LYPD8: variants seen among roughly 807,000 people sequenced by gnomAD.
LYPD8 encodes the protein LY6/PLAUR domain containing 8.
In LYPD8, 8 loss-of-function variants were observed where a neutral mutation model predicts 1.7. That is an observed-to-expected ratio of 4.58 (90% CI 2.69 to 8.27). The LOEUF (loss-of-function observed/expected upper bound fraction) is 8.27, where lower values mean the gene tolerates loss of function less well. Among genes scored for constraint, LYPD8 ranks in the 30% most tolerant of loss-of-function variants. The pLI is 0.00. For missense variants in LYPD8, 112 were observed against 102.3 expected (o/e 1.09, Z -0.41); for synonymous variants, 50 against 43.6 (o/e 1.15, Z -0.58).
intron 2 of LYPD8, among the ~76,000 whole-genome samples, chr1:248,754,032 CCACACAT>C (rs1175175547): frequency 1.4e-5 from 2 of 145,958 alleles, no homozygotes; most frequent in Non-Finnish European, 3.0e-5. Context: ...ACACCACACA[CCACACAT>C]CACATGTCAC....
intron 4 of LYPD8, among the ~76,000 whole-genome samples, chr1:248,750,318 G>A (rs1662779308): frequency 6.6e-6 from 1 of 152,192 alleles, no homozygotes; most frequent in South Asian, 2.1e-4. Context: ...ACCACGAGGG[G>A]CTCCTGTGGC....
chr1:248,754,069 C>T (rs1662886234), intron 2 of LYPD8, among the ~76,000 whole-genome samples: 2 of 147,956 alleles, frequency 1.4e-5, no homozygotes, highest in Admixed American at 1.3e-4. Flanking sequence ...ACAGCACACC[C>T]CACACCACAC....
rs1016264323 is a variant in LYPD8 at position 248,748,573 on chromosome 1, G to A, written c.173-120C>T. ...GAAAATGCAACCTCAGTATCATGCA[G>A]TTTTGAAGACACTGGAGAGGGTTTT... On this transcript the variant is annotated intron_variant, in intron 4 of 6. Coordinates refer to ENST00000590317, the MANE Select transcript of LYPD8 (RefSeq NM_001085474.2). 34 of 395,784 alleles carry A rather than the reference G, an allele frequency of 8.6e-5. No homozygotes were observed. In the South Asian group the frequency reaches 4.4e-3, roughly 51 times the overall value. 24.5% of individuals were successfully genotyped at this position (395,784 alleles called of 1,614,324 possible). A position where few individuals can be genotyped will look rare whatever the true frequency, so the allele number is the denominator to read the frequency against.
chr1:248,748,464 A>G lies in LYPD8; in HGVS notation c.173-11T>C. The G allele has an allele frequency of 2.5e-6, 1 of 401,762 alleles. No homozygotes were observed. Among genetic ancestry groups the G allele is most frequent in the Non-Finnish European group, 4.4e-6 (1 of 228,326 alleles). The allele number at this position is 401,762 out of a possible 1,614,324, so 24.9% of individuals were successfully genotyped here. On this transcript the variant is annotated splice_polypyrimidine_tract_variant and intron_variant, in intron 4 of 6. Coordinates refer to ENST00000590317, the MANE Select transcript of LYPD8 (RefSeq NM_001085474.2). The stretch of plus-strand genomic sequence containing the variant: ...ATCTGACTGGTGTCTCTACACAAAG[A>G]CAAACACAGACTGTCAGCCCCTGGT...
intron 2 of LYPD8, among the ~76,000 whole-genome samples, chr1:248,752,607 CCACACACATCACA>C (rs1662819073): frequency 4.4e-5 from 5 of 114,078 alleles, no homozygotes; most frequent in African/African-American, 1.6e-4. Context: ...CCCACACACC[CCACACACATCACA>C]CACACACACC....
intron 2 of LYPD8, among the ~76,000 whole-genome samples, chr1:248,752,779 A>ACACAC (rs1461982377): frequency 0.022 from 1,809 of 82,874 alleles, 141 homozygotes; most frequent in East Asian, 0.044. Flanking sequence ...CCCACACAAC[A>ACACAC]CACACCACAC....
intron 5 of LYPD8, among the ~76,000 whole-genome samples, chr1:248,746,540 G>A (rs1662728818): frequency 6.6e-6 from 1 of 152,144 alleles, no homozygotes; most frequent in African/African-American, 2.4e-5. Context: ...ACACAGGAAG[G>A]CAGGAAGGCT....
chr1:248,744,566 A>G (rs966342754), intron 6 of LYPD8, among the ~76,000 whole-genome samples: 4 of 151,954 alleles, frequency 2.6e-5, no homozygotes, highest in Non-Finnish European at 5.9e-5. Context: ...GGATCTCACA[A>G]TGGGTAGCGT....
chr1:248,748,624 C>T (rs1662750437), intron 4 of LYPD8, among the ~76,000 whole-genome samples, 171 bp from the exon 5 acceptor site: 2 of 152,142 alleles, frequency 1.3e-5, no homozygotes, highest in East Asian at 3.9e-4. Flanking sequence ...ATAATTCTTC[C>T]CATCGGGTAA....
Position 248,748,374 on chromosome 1 carries a change from A to G in LYPD8, c.252T>C (p.Thr84=), listed in dbSNP as rs1408132943. ...AGTGTTCTTCAGCAGACACGTGGACAGTGAAGGCTGTAATGTGTGTCTCCT... is the reference window on the plus strand; with the variant it reads ...AGTGTTCTTCAGCAGACACGTGGACGGTGAAGGCTGTAATGTGTGTCTCCT... ...CSEETHITAF[T]VHVSAEEHFH... is the part of the protein sequence containing the mutation. Residue 84 remains threonine, a synonymous_variant, in exon 5 of 7, where the codon ACT becomes ACC. Coordinates refer to ENST00000590317, the MANE Select transcript of LYPD8 (RefSeq NM_001085474.2). The G allele has an allele frequency of 1.8e-5, 8 of 451,486 alleles. No individual in the cohort carries two copies. Among genetic ancestry groups the G allele is most frequent in the Non-Finnish European group, 2.7e-5 (7 of 258,986 alleles). The allele number at this position is 451,486 out of a possible 1,614,324, so 28.0% of individuals were successfully genotyped here.
chr1:248,753,197 CA>C (rs1662853447), intron 2 of LYPD8, among the ~76,000 whole-genome samples: 1 of 122,694 alleles, frequency 8.2e-6, no homozygotes, highest in Non-Finnish European at 1.7e-5. Flanking sequence ...CACCACATCA[CA>C]CCCCACACAA....
At chr1:248,750,692 T>TAG (rs1482693463) in intron 3 of LYPD8, 49 bp from the exon 4 acceptor site, 7 of 398,564 alleles carry the variant, frequency 1.8e-5, no homozygotes, top group African/African-American at 1.4e-4. Flanking sequence ...TAGACATTTA[T>TAG]AGAGCATACT....
intron 5 of LYPD8, among the ~76,000 whole-genome samples, chr1:248,745,595 A>T (rs1204632354): frequency 6.6e-6 from 1 of 152,208 alleles, no homozygotes; most frequent in Admixed American, 6.5e-5. Context: ...GCCATCCTGA[A>T]CATTTGCCAA....
intron 2 of LYPD8, among the ~76,000 whole-genome samples, chr1:248,752,997 A>AACAC (rs1662842971): frequency 2.8e-5 from 1 of 35,272 alleles, no homozygotes; most frequent in Non-Finnish European, 6.2e-5. Context: ...ACACACACAC[A>AACAC]AACACACCAC....
chr1:248,753,706 CCACACACA>C (rs1195171426), intron 2 of LYPD8, among the ~76,000 whole-genome samples: 1 of 139,888 alleles, frequency 7.1e-6, no homozygotes, highest in African/African-American at 2.7e-5. Flanking sequence ...ACCACACACC[CCACACACA>C]CACGCATCAC....
chr1:248,749,578 G>C (rs1218849738), intron 4 of LYPD8, among the ~76,000 whole-genome samples: 4 of 152,166 alleles, frequency 2.6e-5, no homozygotes, highest in Non-Finnish European at 5.9e-5. Flanking sequence ...GTGAGAGCAA[G>C]TGAGGGAAAG....
chr1:248,748,228 C>T, intron 5 of LYPD8, 61 bp downstream of exon 5: 1 of 381,072 alleles, frequency 2.6e-6, no homozygotes. Flanking sequence ...AGCACCCACC[C>T]AGGGCATCCC....
rs1451667622 is a variant in LYPD8 at position 248,744,977 on chromosome 1, G to A, written c.475+165C>T. 2.6e-5 allele frequency among the ~76,000 whole-genome samples: 4 copies of A among 152,148 alleles called. No individual in the cohort carries two copies. In the East Asian group the frequency reaches 7.7e-4, roughly 29 times the overall value. ...TCTAAGAAGGCAGCAATAGCAGCGA[G>A]CTCAAGGCTACATGAGCAGCCACTG... On this transcript the variant is annotated intron_variant, in intron 6 of 6. Coordinates refer to ENST00000590317, the MANE Select transcript of LYPD8 (RefSeq NM_001085474.2).
chr1:248,752,480 A>ACACATGCACATCACCCCC (rs2103172106), intron 2 of LYPD8, among the ~76,000 whole-genome samples: 1 of 150,848 alleles, frequency 6.6e-6, no homozygotes, highest in East Asian at 1.9e-4. Context: ...ACCTCACCAC[A>ACACATGCACATCACCCCC]CACATGCACA....
Sources: allele counts gnomAD v4.1 joint callset (sites outside exome capture counted in the v4.1 genomes callset), GRCh38; gene constraint gnomAD v4.1.1; transcripts MANE v1.5; gene names NCBI Gene and HGNC (gene_info 2026-07-23, HGNC 2026-07-21).